Variants in DSC3 observed in about 807,000 individuals in gnomAD.
DSC3 encodes desmocollin 3.
DSC3 carries 97 observed loss-of-function variants against 89.5 expected under a neutral mutation model. That is an observed-to-expected ratio of 1.08 (90% CI 0.92 to 1.28). The LOEUF is 1.28. Among genes scored for constraint, DSC3 ranks in the 50% most tolerant of loss-of-function variants. The probability of loss-of-function intolerance (pLI) is 0.00; values close to 1 mark genes in which losing one functional copy is unlikely to be tolerated. For missense variants in DSC3, 1,199 were observed against 1,085.3 expected (o/e 1.10, Z -1.47); for synonymous variants, 436 against 384.1 (o/e 1.14, Z -1.58).
chr18:31,007,888 C>T, intron 11 of DSC3, 128 bp downstream of exon 11: 1 of 876,926 alleles, frequency 1.1e-6, no homozygotes, highest in Non-Finnish European at 1.7e-6. Context: ...TTAAGAGAGA[C>T]AGAAAGAGTC....
At chr18:31,011,653 T>TA (rs1181359659) in intron 9 of DSC3, among the ~76,000 whole-genome samples, 8 of 152,258 alleles carry the variant, frequency 5.3e-5, no homozygotes, top group African/African-American at 1.9e-4. Flanking sequence ...ACCATGATTA[T>TA]ACAGTGTTTG....
In DSC3 at chr18:31,024,454, C is replaced by A; in HGVS notation, c.670G>T (p.Asp224Tyr). 6.2e-7 allele frequency: 1 copy of A among 1,612,752 alleles called. No individual in the cohort carries two copies. The highest frequency in any genetic ancestry group is 1.1e-5 in the South Asian group (1 of 90,848). Residue 224 changes from aspartate (D) to tyrosine (Y), a missense_variant, in exon 6 of 16, where the codon GAT becomes TAT. Transcript: ENST00000360428. ...CTGATGGGTAGTGGGAGGGGCAGAT[C>A]TGCTGAATATCCATCTGCAGTTGAC... Reference protein sequence around the residue: ...YASTADGYSADLPLPLPIRVE... With the variant: ...YASTADGYSAYLPLPLPIRVE...
chr18:31,018,032 C>T, intron 9 of DSC3, 39 bp downstream of exon 9: 1 of 1,555,518 alleles, frequency 6.4e-7, no homozygotes, highest in Non-Finnish European at 8.8e-7. Context: ...TAACTAAAAC[C>T]TGTTAATTTG....
rs961742533 is a variant in DSC3 at position 31,036,139 on chromosome 18, C to T, written c.70-3863G>A. 1.5e-4 allele frequency among the ~76,000 whole-genome samples: 23 copies of T among 152,150 alleles called. 1 individual carries two copies. Among genetic ancestry groups the T allele is most frequent in the Admixed American group, 5.9e-4 (9 of 15,276 alleles). ...ACATGAACAACTTCAATTTTATTAG[C>T]TATTGCCAAGTTGCTCTACAAAGTA... On this transcript the variant is annotated intron_variant, in intron 1 of 15. Coordinates refer to ENST00000360428, the MANE Select transcript of DSC3 (RefSeq NM_001941.5).
At position 31,031,054 on chromosome 18, in the gene DSC3, TTTC is replaced by T; in HGVS notation, c.270_272del (p.Lys91del). 6.2e-7 allele frequency: 1 copy of T among 1,614,134 alleles called. No individual in the cohort carries two copies. Among genetic ancestry groups the T allele is most frequent in the Non-Finnish European group, 8.5e-7 (1 of 1,179,996 alleles). On this transcript the variant is annotated inframe_deletion, in exon 3 of 16. Transcript: ENST00000360428. ...CAGAAAGCCATATGGTAAATGATCT[TTTC>T]TTATCAGACAGCGCAACAGCCCTGG...
rs369208762 is a variant in DSC3, at chr18:31,006,924, C to T, written c.1871G>A (p.Ser624Asn). 2 of 1,612,818 alleles carry T rather than the reference C, an allele frequency of 1.2e-6. No homozygotes were observed. The highest frequency in any genetic ancestry group is 2.2e-5 in the South Asian group (2 of 91,030). The change falls in exon 12 of 16, where the codon AGC (serine) becomes AAC (asparagine). Residue 624 changes from serine to asparagine, a missense_variant. Transcript: ENST00000360428. ...TTAAATACCATTAACTTTGGTGAGG[C>T]TCCACAGTCTACTGATTTCTGGAGA... ...NTSPEISRLW[S>N]LTKVNDTAAR...
chr18:31,025,769 A>G lies in DSC3; in HGVS notation c.621T>C (p.Asp207=), dbSNP rs760868219. ...TCAATAAAAGTCCTACATCAAAAACATCATATTCTTCACGATCCACAGGCC... is the reference window on the plus strand; with the variant it reads ...TCAATAAAAGTCCTACATCAAAAACGTCATATTCTTCACGATCCACAGGCC... ...CTRPVDREEY[D]VFDLIAYAST... The change falls in exon 5 of 16, where the codon GAT becomes GAC. Residue 207 remains aspartate, a synonymous_variant. Transcript: ENST00000360428. The G allele has an allele frequency of 2.5e-6, 4 of 1,613,006 alleles. No homozygotes were observed. The East Asian group carries it at 8.9e-5, about 36-fold the overall frequency.
intron 7 of DSC3, among the ~76,000 whole-genome samples, chr18:31,021,496 T>G (rs909213030): frequency 1.3e-5 from 2 of 152,232 alleles, no homozygotes; most frequent in Admixed American, 6.5e-5. Context: ...CATCTCTCCC[T>G]GTTTCTTTGG....
intron 13 of DSC3, among the ~76,000 whole-genome samples, chr18:31,002,205 T>C (rs932328169): frequency 6.6e-5 from 10 of 152,216 alleles, no homozygotes; most frequent in African/African-American, 2.4e-4. Context: ...AGAATTCTTA[T>C]TCTAAATCAT....
intron 6 of DSC3, among the ~76,000 whole-genome samples, chr18:31,023,059 T>C (rs2144717543): frequency 6.6e-6 from 1 of 152,286 alleles, no homozygotes; most frequent in South Asian, 2.1e-4. Context: ...ACTGATAAAA[T>C]GTGCTTAAAG....
In DSC3 at chr18:31,022,349, T is replaced by A; in HGVS notation, c.929A>T (p.Tyr310Phe). ...STGVITTVSH[Y>F]LDREVVDKYS... The stretch of plus-strand genomic sequence containing the variant: ...TGTGTGAGCTACCTCTCTGTCCAAA[T>A]AATGAGAGACTGTGGTGATTACGCC... Residue 310 changes from tyrosine to phenylalanine, a missense_variant, in exon 7 of 16, where the codon TAT (tyrosine) becomes TTT (phenylalanine). Transcript: ENST00000360428. 6.2e-7 allele frequency: 1 copy of A among 1,613,964 alleles called. No individual in the cohort carries two copies. Among genetic ancestry groups the A allele is most frequent in the Non-Finnish European group, 8.5e-7 (1 of 1,179,908 alleles).
chr18:31,023,704 G>C (rs75760087), intron 6 of DSC3, among the ~76,000 whole-genome samples: 1 of 151,998 alleles, frequency 6.6e-6, no homozygotes, highest in Admixed American at 6.6e-5. Context: ...TTATTGTGAG[G>C]GGTTATTCTC....
At position 31,024,419 on chromosome 18, in the gene DSC3, A is replaced by G. The variant is rs1194964054; in HGVS notation, c.705T>C (p.Asp235=). ...LPLPLPIRVE[D]ENDNHPVFTE... The stretch of plus-strand genomic sequence containing the variant: ...TGAAAACAGGGTGGTTGTCATTTTC[A>G]TCCTCTACCCTGATGGGTAGTGGGA... Residue 235 remains aspartate, a synonymous_variant, in exon 6 of 16, where the codon GAT becomes GAC. Transcript: ENST00000360428. 2 of 1,610,516 alleles carry G rather than the reference A, an allele frequency of 1.2e-6. No individual in the cohort carries two copies. Among genetic ancestry groups the G allele is most frequent in the South Asian group, 1.1e-5 (1 of 90,708 alleles).
chr18:30,995,116 C>G (rs1457875200), intron 15 of DSC3, among the ~76,000 whole-genome samples: 2 of 152,210 alleles, frequency 1.3e-5, no homozygotes, highest in Non-Finnish European at 2.9e-5. Flanking sequence ...CACATCTACC[C>G]TCTCTGCCAC....
At chr18:31,041,712 C>T (rs1986137418) in intron 1 of DSC3, among the ~76,000 whole-genome samples, 1 of 152,192 alleles carries the variant, frequency 6.6e-6, no homozygotes, top group South Asian at 2.1e-4. Context: ...CTTCAAGTCT[C>T]CCGTGTTCTC....
chr18:31,016,423 A>C (rs934877200), intron 9 of DSC3, among the ~76,000 whole-genome samples: 1 of 152,244 alleles, frequency 6.6e-6, no homozygotes, highest in Non-Finnish European at 1.5e-5. Context: ...AGAGGGGAGA[A>C]GGGTGTCCAG....
At chr18:30,994,400 C>T (rs768346127) in intron 15 of DSC3, 28 bp from the exon 16 acceptor site, 24 of 1,606,572 alleles carry the variant, frequency 1.5e-5, no homozygotes, top group Non-Finnish European at 2.0e-5. Flanking sequence ...AAATGAATTG[C>T]ATTATAGTTT....
At position 31,030,984 on chromosome 18, in the gene DSC3, G is replaced by A. The variant is rs986560875; in HGVS notation, c.343C>T (p.His115Tyr). ...TGTACTTTAAATACCTTCTTCTGAT[G>A]TTCTAGCAGCACAGTAACCTCTTTC... ...TQKEVTVLLE[H>Y]QKKVSKTRHT... The change falls in exon 3 of 16, where the codon CAT (histidine) becomes TAT (tyrosine). Residue 115 changes from histidine to tyrosine, a missense_variant. Transcript: ENST00000360428. 1 of 1,613,564 alleles carries A rather than the reference G, an allele frequency of 6.2e-7. No individual in the cohort carries two copies. Among genetic ancestry groups the A allele is most frequent in the Non-Finnish European group, 8.5e-7 (1 of 1,179,572 alleles).
Position 31,031,123 on chromosome 18 carries a change from A to T in DSC3, c.204T>A (p.Asp68Glu), listed in dbSNP as rs1292151553. ...FRSADLIRSS[D>E]PDFRVLNDGS... ...CATCATTTAGAACTCTGAAATCAGGATCACTTGACCGGATGAGGTCTGCAG... is the reference window on the plus strand; with the variant it reads ...CATCATTTAGAACTCTGAAATCAGGTTCACTTGACCGGATGAGGTCTGCAG... Residue 68 changes from aspartate to glutamate, a missense_variant, in exon 3 of 16, where the codon GAT (aspartate) becomes GAA (glutamate). Coordinates refer to ENST00000360428, the MANE Select transcript of DSC3 (RefSeq NM_001941.5). The T allele has an allele frequency of 1.2e-6, 2 of 1,613,498 alleles. No homozygotes were observed. The highest frequency in any genetic ancestry group is 1.1e-5 in the South Asian group (1 of 90,822).
Sources: allele counts gnomAD v4.1 joint callset (sites outside exome capture counted in the v4.1 genomes callset), GRCh38; gene constraint gnomAD v4.1.1; transcripts MANE v1.5; gene names NCBI Gene and HGNC (gene_info 2026-07-23, HGNC 2026-07-21).